ZBTB49: variants seen among roughly 807,000 people sequenced by gnomAD.
ZBTB49 encodes the protein zinc finger and BTB domain containing 49, also known as zinc finger and BTB domain-containing protein 49.
A neutral mutation model predicts 57.5 loss-of-function variants in ZBTB49; 43 were observed. The ratio of observed to expected loss-of-function variants is 0.75; its 90% CI spans 0.59 to 0.97. The LOEUF (loss-of-function observed/expected upper bound fraction) is 0.97, where lower values mean the gene tolerates loss of function less well. ZBTB49 is among the 50% of genes least tolerant of loss of function. ZBTB49 has a pLI of 0.00. For synonymous variants in ZBTB49, 369 were observed against 362.1 expected, an observed-to-expected ratio of 1.02 and a Z score of -0.22; for missense variants, 938 against 947.7, an observed-to-expected ratio of 0.99 and a Z score of 0.13.
chr4:4,300,001 G>A lies in ZBTB49; in HGVS notation c.56G>A (p.Arg19Gln), dbSNP rs1720407032. 12 of 1,614,180 alleles carry A rather than the reference G, an allele frequency of 7.4e-6. No individual in the cohort carries two copies. The highest frequency in any genetic ancestry group is 1.7e-5 in the Admixed American group (1 of 60,022). Residue 19 changes from arginine to glutamine, a missense_variant, in exon 2 of 8, where the codon CGA becomes CAA. Arg to Gln is a conservative substitution (Grantham distance 43, BLOSUM62 1). Around this residue, in one of 3 missense-constraint regions of ZBTB49, gnomAD observed 100 missense variants for 112.5 expected, o/e 0.89. Coordinates refer to ENST00000337872, the MANE Select transcript of ZBTB49 (RefSeq NM_145291.4). ...CHLLQQLHEQ[R>Q]IQGLLCDCML... ...CTGCTCCAGCAACTGCATGAGCAGCGAATCCAAGGCCTGCTTTGTGACTGT... is the reference window on the plus strand; with the variant it reads ...CTGCTCCAGCAACTGCATGAGCAGCAAATCCAAGGCCTGCTTTGTGACTGT...
intron 4 of ZBTB49, among the ~76,000 whole-genome samples, chr4:4,308,881 A>C (rs1293915491): frequency 6.6e-6 from 1 of 152,214 alleles, no homozygotes; most frequent in African/African-American, 2.4e-5. Context: ...GGACAGCATG[A>C]GGCCATGAAA....
At chr4:4,296,331 C>A (rs1303081350) in intron 1 of ZBTB49, among the ~76,000 whole-genome samples, 1 of 152,216 alleles carries the variant, frequency 6.6e-6, no homozygotes, top group Non-Finnish European at 1.5e-5. Flanking sequence ...ACCCAAATCT[C>A]ATTTTGAATT....
At chr4:4,311,154 A>G (rs1720967375) in intron 4 of ZBTB49, among the ~76,000 whole-genome samples, 1 of 152,224 alleles carries the variant, frequency 6.6e-6, no homozygotes, top group Non-Finnish European at 1.5e-5. Flanking sequence ...AGATTTTTCT[A>G]CCACTTAAAA....
chr4:4,315,457 T>C (rs1721149441), intron 5 of ZBTB49, among the ~76,000 whole-genome samples, 179 bp from the exon 6 acceptor site: 1 of 151,170 alleles, frequency 6.6e-6, no homozygotes, highest in Non-Finnish European at 1.5e-5. Context: ...ATGTTCTGCT[T>C]TTCTTAAAAA....
rs115204213 is a variant in ZBTB49 at position 4,303,298 on chromosome 4, A to G, written c.1255+207A>G. Among the ~76,000 whole-genome samples the G allele has an allele frequency of 9.2e-3, 1,396 of 152,336 alleles. 16 individuals are homozygous for G. Among genetic ancestry groups the G allele is most frequent in the African/African-American group, 0.032 (1,328 of 41,578 alleles). On this transcript the variant is annotated intron_variant, in intron 3 of 7. Transcript: ENST00000337872. ...GTTTTGTAAATGGTTTTATAAAGTC[A>G]CTTTAAAAAGGTGCATACTTTTAAT...
At position 4,301,223 on chromosome 4, in the gene ZBTB49, A is replaced by C. The variant is rs566769416; in HGVS notation, c.153-766A>C. On this transcript the variant is annotated intron_variant, in intron 2 of 7. Coordinates refer to ENST00000337872, the MANE Select transcript of ZBTB49 (RefSeq NM_145291.4). ...GATTGTATTTGACAAAATGTCTTCA[A>C]CTTACTTACCTGAGCTTATTATTTC... 6.6e-5 allele frequency among the ~76,000 whole-genome samples: 10 copies of C among 152,338 alleles called. No individual in the cohort carries two copies. In the South Asian group the frequency reaches 2.1e-3, roughly 32 times the overall value.
intron 1 of ZBTB49, among the ~76,000 whole-genome samples, chr4:4,298,082 C>G (rs1720298849): frequency 6.6e-6 from 1 of 152,196 alleles, no homozygotes; most frequent in South Asian, 2.1e-4. Context: ...ATGCCAGATA[C>G]TAGTCTAAAT....
In ZBTB49 at chr4:4,321,571, C is replaced by A. The variant is rs1184134148; in HGVS notation, c.*255C>A. The A allele has an allele frequency of 3.7e-6, 2 of 534,220 alleles. No homozygotes were observed. The highest frequency in any genetic ancestry group is 6.6e-6 in the Non-Finnish European group (2 of 302,196). 33.1% of individuals were successfully genotyped at this position (534,220 alleles called of 1,614,324 possible). A position where few individuals can be genotyped will look rare whatever the true frequency, so the allele number is the denominator to read the frequency against. ...AAGCGAAGGCTTGATGCTGTCTCAG[C>A]AGCCTCAGCTGTGGGGGGGAAGCGC... On this transcript the variant is annotated 3_prime_UTR_variant, in exon 8 of 8. Transcript: ENST00000337872.
intron 1 of ZBTB49, among the ~76,000 whole-genome samples, chr4:4,297,511 G>A (rs977806227): frequency 6.6e-6 from 1 of 152,188 alleles, no homozygotes; most frequent in African/African-American, 2.4e-5. Context: ...GGGGCTGGGT[G>A]CAGTGGCTCA....
At chr4:4,304,944 G>GAAT (rs10623694) in intron 3 of ZBTB49, among the ~76,000 whole-genome samples, 1 of 151,768 alleles carries the variant, frequency 6.6e-6, no homozygotes, top group African/African-American at 2.4e-5. Context: ...TCAATTTTAA[G>GAAT]GTGAAGGGGT....
chr4:4,294,367 A>G (rs1720087597), intron 1 of ZBTB49, among the ~76,000 whole-genome samples: 1 of 152,034 alleles, frequency 6.6e-6, no homozygotes, highest in South Asian at 2.1e-4. Flanking sequence ...AATAATAATT[A>G]TTATTTTGAG....
At chr4:4,292,273 T>A (rs1271953302) in intron 1 of ZBTB49, among the ~76,000 whole-genome samples, 1 of 152,132 alleles carries the variant, frequency 6.6e-6, no homozygotes, top group African/African-American at 2.4e-5. Context: ...TGAGCAAGAC[T>A]GCGTCTCGGA....
intron 7 of ZBTB49, among the ~76,000 whole-genome samples, chr4:4,317,936 TG>T (rs1188981285): frequency 6.6e-6 from 1 of 152,164 alleles, no homozygotes; most frequent in Non-Finnish European, 1.5e-5. Context: ...GAGGCTTCGT[TG>T]GGGTTTCACT....
At chr4:4,320,610 G>A in intron 7 of ZBTB49, 30 bp from the exon 8 acceptor site, 1 of 1,612,554 alleles carries the variant, frequency 6.2e-7, no homozygotes, top group South Asian at 1.1e-5. Flanking sequence ...CCCTGTTTAA[G>A]TAAATAAATA....
At chr4:4,319,797 G>GATTTTTTT (rs1390015943) in intron 7 of ZBTB49, among the ~76,000 whole-genome samples, 1 of 151,584 alleles carries the variant, frequency 6.6e-6, no homozygotes. Flanking sequence ...CAGCCTGGGC[G>GATTTTTTT]CCTCACTCCC....
chr4:4,308,719 G>C (rs191404430), intron 4 of ZBTB49, among the ~76,000 whole-genome samples: 313 of 152,334 alleles, frequency 2.1e-3, no homozygotes, highest in African/African-American at 7.1e-3. Flanking sequence ...GGACAGAAAT[G>C]GCCATGGCCT....
At chr4:4,291,939 GC>G (rs1188420029) in intron 1 of ZBTB49, among the ~76,000 whole-genome samples, 36 of 152,168 alleles carry the variant, frequency 2.4e-4, no homozygotes, top group African/African-American at 8.4e-4. Context: ...GACCAGCCTG[GC>G]CAACATGGTG....
chr4:4,314,975 T>C (rs1007080011), intron 5 of ZBTB49, among the ~76,000 whole-genome samples: 2 of 152,224 alleles, frequency 1.3e-5, no homozygotes, highest in Non-Finnish European at 2.9e-5. Context: ...TTTCTTCCAT[T>C]AGTTCCCTTG....
rs773301270 is a variant in ZBTB49, at chr4:4,306,222, C to T, written c.1302+38C>T. ...TTATTTATTGTTAATAATTGGAAAC[C>T]TGCAACACAGTGTTTTTTTATTGGA... On this transcript the variant is annotated intron_variant, in intron 4 of 7. Coordinates refer to ENST00000337872, the MANE Select transcript of ZBTB49 (RefSeq NM_145291.4). 7 of 1,551,858 alleles carry T rather than the reference C, an allele frequency of 4.5e-6. No individual in the cohort carries two copies. The African/African-American group carries it at 9.5e-5, about 21-fold the overall frequency.
Sources: gnomAD v4.1 joint callset for allele counts (sites outside exome capture counted in the v4.1 genomes callset) on GRCh38, gnomAD v4.1.1 for gene constraint, gnomAD v4.1.1 regional missense constraint, MANE v1.5 for transcripts, NCBI Gene and HGNC (gene_info 2026-07-23, HGNC 2026-07-21) for gene names.